MYH15: variants seen among roughly 807,000 people sequenced by gnomAD.
MYH15 encodes the protein myosin-15.
Under a neutral mutation model 240.5 loss-of-function variants are expected in MYH15, and 227 were observed. That is an observed-to-expected ratio of 0.94 (90% confidence interval 0.85 to 1.05). The LOEUF (loss-of-function observed/expected upper bound fraction) is 1.05, where lower values mean the gene tolerates loss of function less well. Ranked by LOEUF, MYH15 falls within the 50% of genes least tolerant of loss-of-function variation. MYH15 has a pLI of 0.00. For missense variants in MYH15, 2,217 were observed against 2,247.5 expected (o/e 0.99, Z 0.27); for synonymous variants, 785 against 796.7 (o/e 0.99, Z 0.25).
Position 108,398,748 on chromosome 3 carries a change from C to T in MYH15, c.5022G>A (p.Gln1674=), listed in dbSNP as rs2107540682. 1.2e-6 allele frequency: 2 copies of T among 1,614,214 alleles called. No homozygotes were observed. The highest frequency in any genetic ancestry group is 1.3e-5 in the African/African-American group (1 of 75,052). The change falls in exon 35 of 41, where the codon CAG becomes CAA. Residue 1674 remains glutamine (Q), a synonymous_variant. Coordinates refer to ENST00000693548, the MANE Select transcript of MYH15 (RefSeq NM_014981.3). ...AVAERRNSLL[Q]SELEDLRSLQ... Reference sequence around the variant, plus strand: ...GGGACCTTAGATCCTCTAGTTCAGACTGAAGAAGAGAGTTGCGCCGCTCAG... The same window carrying T: ...GGGACCTTAGATCCTCTAGTTCAGATTGAAGAAGAGAGTTGCGCCGCTCAG...
intron 2 of MYH15, among the ~76,000 whole-genome samples, chr3:108,502,510 T>A (rs181446768): frequency 4.4e-4 from 67 of 152,288 alleles, no homozygotes; most frequent in Admixed American, 1.8e-3. Flanking sequence ...TCATTTTTGA[T>A]GTTGTTGTCA....
chr3:108,385,773 A>G (rs1036754645), intron 38 of MYH15, among the ~76,000 whole-genome samples: 1 of 144,080 alleles, frequency 6.9e-6, no homozygotes, highest in African/African-American at 2.5e-5. Context: ...TGTTCCCCCT[A>G]CTTACCTTCC....
At chr3:108,515,845 GA>G (rs746030131) in intron 1 of MYH15, among the ~76,000 whole-genome samples, 13 of 152,324 alleles carry the variant, frequency 8.5e-5, no homozygotes, top group South Asian at 2.1e-4. Context: ...GTACCATGGG[GA>G]AGTAAAGAGG....
intron 33 of MYH15, among the ~76,000 whole-genome samples, chr3:108,402,305 G>A (rs1477096043): frequency 6.6e-6 from 1 of 152,212 alleles, no homozygotes. Flanking sequence ...AACCAAGTCA[G>A]ATGGTGTATA....
chr3:108,465,673 C>T (rs956651443), intron 14 of MYH15, among the ~76,000 whole-genome samples: 7 of 152,066 alleles, frequency 4.6e-5, no homozygotes, highest in South Asian at 2.1e-4. Flanking sequence ...AGGTGGCTCA[C>T]GCCAGCACTT....
At chr3:108,407,780 G>C (rs2082557675) in intron 32 of MYH15, among the ~76,000 whole-genome samples, 1 of 152,182 alleles carries the variant, frequency 6.6e-6, no homozygotes, top group South Asian at 2.1e-4. Flanking sequence ...TTCAACATTT[G>C]ACAAATATTT....
chr3:108,437,694 C>A lies in MYH15; in HGVS notation c.3081G>T (p.Glu1027Asp). The A allele has an allele frequency of 6.2e-7, 1 of 1,610,360 alleles. No individual in the cohort carries two copies. The highest frequency in any genetic ancestry group is 8.5e-7 in the Non-Finnish European group (1 of 1,178,982). ...LKLEQQVDEL[E>D]GALEQERKAR... ...CTTTTCTCTCCTGCTCAAGGGCACC[C>A]TCAAGCTGACAAAAGGAAACATTAT... Residue 1027 changes from glutamate (E) to aspartate (D), a missense_variant, in exon 25 of 41, where the codon GAG becomes GAT. By Grantham distance (45) the Glu-to-Asp change is conservative. Transcript: ENST00000693548.
At chr3:108,396,940 C>T (rs574879928) in intron 35 of MYH15, among the ~76,000 whole-genome samples, 1 of 152,310 alleles carries the variant, frequency 6.6e-6, no homozygotes, top group South Asian at 2.1e-4. Context: ...GATTATCCTT[C>T]ACCTTGAAGG....
chr3:108,479,026 G>C (rs1038579917), intron 11 of MYH15, among the ~76,000 whole-genome samples: 1 of 152,084 alleles, frequency 6.6e-6, no homozygotes, highest in African/African-American at 2.4e-5. Flanking sequence ...CTGTTTTGGG[G>C]GGAAAGAGGA....
the MYH15 span, among the ~76,000 whole-genome samples, chr3:108,536,042 C>T: frequency 0.019 from 2,916 of 152,138 alleles, 104 homozygotes; most frequent in African/African-American, 0.067. Flanking sequence ...CCGAGGTGGG[C>T]GGATCTTCTG....
At chr3:108,414,166 G>C (rs1181495750) in intron 30 of MYH15, 66 bp downstream of exon 30, 2 of 1,513,220 alleles carry the variant, frequency 1.3e-6, no homozygotes, top group African/African-American at 2.7e-5. Flanking sequence ...CTTGGAGACA[G>C]AGTCATTATT....
intron 28 of MYH15, 60 bp from the exon 29 acceptor site, chr3:108,416,990 C>T: frequency 7.6e-7 from 1 of 1,312,158 alleles, no homozygotes; most frequent in East Asian, 2.3e-5. Context: ...GCCTCCTTCA[C>T]TTGACTTACT....
chr3:108,453,256 AG>A (rs950848138), intron 21 of MYH15, among the ~76,000 whole-genome samples: 6 of 152,202 alleles, frequency 3.9e-5, no homozygotes, highest in Non-Finnish European at 8.8e-5. Flanking sequence ...AAGACCCTTA[AG>A]AGTCATCTCT....
chr3:108,480,436 T>C (rs1402553253), intron 11 of MYH15, among the ~76,000 whole-genome samples: 2 of 152,184 alleles, frequency 1.3e-5, no homozygotes, highest in Admixed American at 1.3e-4. Context: ...AGACATCTAA[T>C]GCCGCTATAA....
At chr3:108,492,201 T>TACACACACAC (rs10662107) in intron 9 of MYH15, among the ~76,000 whole-genome samples, 38,649 of 147,744 alleles carry the variant, frequency 0.26, 5,792 homozygotes, top group Non-Finnish European at 0.35. Flanking sequence ...AATGCTTTTA[T>TACACACACAC]ACACACACAC....
intron 9 of MYH15, among the ~76,000 whole-genome samples, chr3:108,490,661 G>T (rs1337985857): frequency 1.3e-5 from 2 of 152,102 alleles, no homozygotes; most frequent in African/African-American, 4.8e-5. Context: ...TGTACTCACT[G>T]TTCCCTCCTC....
the MYH15 span, among the ~76,000 whole-genome samples, chr3:108,536,883 C>T: frequency 1.4e-4 from 22 of 152,202 alleles, no homozygotes; most frequent in East Asian, 1.2e-3. Context: ...AACACAGCAT[C>T]CTGGTGACAA....
At chr3:108,465,052 C>T (rs922628032) in intron 14 of MYH15, among the ~76,000 whole-genome samples, 5 of 152,154 alleles carry the variant, frequency 3.3e-5, no homozygotes, top group African/African-American at 1.2e-4. Context: ...AGTGCCTGTC[C>T]TCAGGGTGCG....
upstream of MYH15, among the ~76,000 whole-genome samples, chr3:108,512,810 G>A (rs1294780833): frequency 6.6e-6 from 1 of 152,118 alleles, no homozygotes; most frequent in Non-Finnish European, 1.5e-5. Context: ...CATATTTAAA[G>A]GTGTACAAAG....
Sources: gnomAD v4.1 joint callset for allele counts (sites outside exome capture counted in the v4.1 genomes callset) on GRCh38, gnomAD v4.1.1 for gene constraint, MANE v1.5 for transcripts, NCBI Gene and HGNC (gene_info 2026-07-23, HGNC 2026-07-21) for gene names.